PLPP4: variants seen among roughly 807,000 people sequenced by gnomAD.
PLPP4 encodes diacylglycerol pyrophosphate like 2.
A neutral mutation model predicts 32.2 loss-of-function variants in PLPP4; 20 were observed. The ratio of observed to expected loss-of-function variants is 0.62; its 90% CI spans 0.44 to 0.90. The LOEUF is 0.90. Among genes scored for constraint, PLPP4 ranks in the 40% least tolerant of loss-of-function variants. PLPP4 has a pLI of 0.00. For synonymous variants in PLPP4, 127 were observed against 133.0 expected, an observed-to-expected ratio of 0.95 and a Z score of 0.31; for missense variants, 257 against 353.1, an observed-to-expected ratio of 0.73 and a Z score of 2.18.
At position 120,503,843 on chromosome 10, in the gene PLPP4, CAG is replaced by C. The variant is rs1422701840; in HGVS notation, c.87_88del (p.Arg29SerfsTer11). On this transcript the variant is annotated frameshift_variant, in exon 2 of 7. Coordinates refer to ENST00000398250, the MANE Select transcript of PLPP4 (RefSeq NM_001030059.3). LOFTEE classifies it high-confidence loss of function. ...TTTTACAGAGTTTTTGGATCCGTTCCAGAGAGTCATCCAGCCAGAAGAGATCT... is the reference window on the plus strand; with the variant it reads ...TTTTACAGAGTTTTTGGATCCGTTCCAGAGTCATCCAGCCAGAAGAGATCT... ...FVFTEFLDPFQRVIQPEEIWL... is the reference protein window; with the variant it reads ...FVFTEFLDPFXRVIQPEEIWL... The C allele has an allele frequency of 1.2e-6, 2 of 1,613,758 alleles. No homozygotes were observed. The highest frequency in any genetic ancestry group is 2.7e-5 in the African/African-American group (2 of 74,904).
intron 6 of PLPP4, among the ~76,000 whole-genome samples, chr10:120,586,299 AT>A (rs3067612): frequency 0.24 from 32,591 of 137,380 alleles, 3,895 homozygotes; most frequent in Non-Finnish European, 0.29. Context: ...ACACCTGGCT[AT>A]TTTTTTTTTT....
intron 1 of PLPP4, among the ~76,000 whole-genome samples, chr10:120,482,795 C>A (rs1051555096): frequency 6.6e-6 from 1 of 151,770 alleles, no homozygotes. Context: ...GCCTGTAGTC[C>A]CAGCTACTTG....
chr10:120,517,193 A>G (rs1235124426), intron 3 of PLPP4, among the ~76,000 whole-genome samples: 1 of 152,206 alleles, frequency 6.6e-6, no homozygotes, highest in African/African-American at 2.4e-5. Context: ...CAGAGAGGCC[A>G]TGCTAGGACC....
chr10:120,576,931 G>A (rs1849249974), intron 6 of PLPP4, among the ~76,000 whole-genome samples: 1 of 152,220 alleles, frequency 6.6e-6, no homozygotes, highest in South Asian at 2.1e-4. Flanking sequence ...TCCCCATGAA[G>A]AATATTACGG....
chr10:120,540,636 G>A (rs1290779009), intron 5 of PLPP4, among the ~76,000 whole-genome samples: 2 of 152,224 alleles, frequency 1.3e-5, no homozygotes, highest in African/African-American at 4.8e-5. Context: ...GCACCCTTGG[G>A]CCCTGCACAT....
At chr10:120,462,576 T>C (rs1172587199) in intron 1 of PLPP4, among the ~76,000 whole-genome samples, 3 of 152,220 alleles carry the variant, frequency 2.0e-5, no homozygotes, top group African/African-American at 7.2e-5. Context: ...GGCACAAGCA[T>C]GGTCGGTGCC....
intron 6 of PLPP4, among the ~76,000 whole-genome samples, chr10:120,583,836 G>T (rs1849629320): frequency 6.6e-6 from 1 of 152,184 alleles, no homozygotes; most frequent in Non-Finnish European, 1.5e-5. Context: ...CAGAGTCCTA[G>T]GTAATGACAT....
At chr10:120,527,980 G>T (rs370607497) in intron 5 of PLPP4, among the ~76,000 whole-genome samples, 2 of 151,292 alleles carry the variant, frequency 1.3e-5, no homozygotes, top group African/African-American at 2.4e-5. Flanking sequence ...GAAATTGCAA[G>T]ATTTGTTTGT....
At chr10:120,575,444 A>C (rs1386636354) in intron 6 of PLPP4, 143 bp downstream of exon 6, 4 of 876,732 alleles carry the variant, frequency 4.6e-6, no homozygotes, top group Non-Finnish European at 3.4e-6. Context: ...AGCGGATAAA[A>C]TTTTGAAGCA....
intron 5 of PLPP4, among the ~76,000 whole-genome samples, chr10:120,538,744 T>G (rs892497266): frequency 3.9e-5 from 6 of 152,318 alleles, no homozygotes; most frequent in African/African-American, 1.4e-4. Context: ...TATCATTTAT[T>G]AAGTGTGTGA....
At chr10:120,552,747 A>C (rs1847969884) in intron 5 of PLPP4, among the ~76,000 whole-genome samples, 1 of 152,186 alleles carries the variant, frequency 6.6e-6, no homozygotes, top group South Asian at 2.1e-4. Context: ...ACACAAACTA[A>C]CTTTCACCAC....
At chr10:120,502,433 G>A (rs1845298533) in intron 1 of PLPP4, among the ~76,000 whole-genome samples, 1 of 152,134 alleles carries the variant, frequency 6.6e-6, no homozygotes, top group Admixed American at 6.5e-5. Flanking sequence ...CAATAGAATT[G>A]AGAGTCAGGC....
chr10:120,494,198 A>G (rs530992174), intron 1 of PLPP4, among the ~76,000 whole-genome samples: 1 of 152,316 alleles, frequency 6.6e-6, no homozygotes, highest in East Asian at 1.9e-4. Context: ...TAGACTTTAC[A>G]CTGCTCAAAT....
chr10:120,487,331 A>C (rs967239201), intron 1 of PLPP4, among the ~76,000 whole-genome samples: 1 of 152,026 alleles, frequency 6.6e-6, no homozygotes, highest in Non-Finnish European at 1.5e-5. Context: ...TGGGAAGGCA[A>C]CTCTTCCGCT....
At chr10:120,469,463 G>C (rs565482148) in intron 1 of PLPP4, among the ~76,000 whole-genome samples, 3 of 152,082 alleles carry the variant, frequency 2.0e-5, no homozygotes, top group Non-Finnish European at 4.4e-5. Context: ...TCCTGACCTC[G>C]TGATCCGCCC....
intron 1 of PLPP4, among the ~76,000 whole-genome samples, chr10:120,488,651 C>T (rs1844570539): frequency 1.3e-5 from 2 of 152,168 alleles, no homozygotes; most frequent in African/African-American, 2.4e-5. Flanking sequence ...ATCTCTAGTC[C>T]AACATGCTGC....
chr10:120,520,852 G>A, intron 4 of PLPP4, 119 bp from the exon 5 acceptor site: 1 of 1,267,410 alleles, frequency 7.9e-7, no homozygotes, highest in Admixed American at 1.9e-5. Context: ...GAGCTCCAGT[G>A]TTGACAGCCA....
chr10:120,512,671 G>A (rs1845775345), intron 2 of PLPP4, among the ~76,000 whole-genome samples: 1 of 152,142 alleles, frequency 6.6e-6, no homozygotes, highest in African/African-American at 2.4e-5. Context: ...AAATTAGCTG[G>A]GCGTGGTGGT....
chr10:120,518,751 GTGA>G, intron 3 of PLPP4, 79 bp from the exon 4 acceptor site: 30 of 1,076,496 alleles, frequency 2.8e-5, no homozygotes, highest in South Asian at 4.1e-5. Context: ...TAATGTAACA[GTGA>G]TGATGATGAT....
Sources: gnomAD v4.1 joint callset for allele counts (sites outside exome capture counted in the v4.1 genomes callset) on GRCh38, gnomAD v4.1.1 for gene constraint, MANE v1.5 for transcripts, NCBI Gene and HGNC (gene_info 2026-07-23, HGNC 2026-07-21) for gene names.